The following CNTN5 variants were observed in gnomAD, a reference collection of about 807,000 sequenced individuals.
The protein encoded by CNTN5 is contactin 5.
Under a neutral mutation model 129.1 loss-of-function variants are expected in CNTN5, and 77 were observed. That is an observed-to-expected ratio of 0.60 (90% CI 0.50 to 0.72). The LOEUF (loss-of-function observed/expected upper bound fraction) is 0.72. Among genes scored for constraint, CNTN5 ranks in the 30% least tolerant of loss-of-function variants. The pLI, the probability that CNTN5 is intolerant of heterozygous loss-of-function variation, is 0.00. For missense variants in CNTN5, 1,478 were observed against 1,328.8 expected, an observed-to-expected ratio of 1.11 and a Z score of -1.75; for synonymous variants, 509 against 465.6, an observed-to-expected ratio of 1.09 and a Z score of -1.20.
intron 7 of CNTN5, among the ~76,000 whole-genome samples, chr11:99,932,722 C>G (rs900596545): frequency 6.6e-6 from 1 of 152,086 alleles, no homozygotes; most frequent in African/African-American, 2.4e-5. Flanking sequence ...CCAGTGCCTG[C>G]TTCTTGGTAA....
intron 6 of CNTN5, among the ~76,000 whole-genome samples, chr11:99,846,042 G>A (rs1318833829): frequency 6.6e-6 from 1 of 151,390 alleles, no homozygotes; most frequent in Non-Finnish European, 1.5e-5. Flanking sequence ...CCTCTGAAAT[G>A]CTAATATTTT....
At chr11:99,860,947 T>TA (rs1410897061) in intron 6 of CNTN5, among the ~76,000 whole-genome samples, 1 of 140,334 alleles carries the variant, frequency 7.1e-6, no homozygotes, top group African/African-American at 2.7e-5. Flanking sequence ...GGAATATGTC[T>TA]TCATTTTTTT....
chr11:99,206,492 C>T (rs1859490283), intron 1 of CNTN5, among the ~76,000 whole-genome samples: 1 of 152,124 alleles, frequency 6.6e-6, no homozygotes, highest in Non-Finnish European at 1.5e-5. Flanking sequence ...GCTCTACAAG[C>T]TGAAGTGGGA....
At chr11:100,263,532 A>G (rs182944643) in intron 17 of CNTN5, among the ~76,000 whole-genome samples, 16 of 152,242 alleles carry the variant, frequency 1.1e-4, no homozygotes, top group Admixed American at 6.5e-4. Flanking sequence ...TTATGCATAT[A>G]TACATATTTA....
chr11:100,163,679 C>T (rs551024267), intron 13 of CNTN5, among the ~76,000 whole-genome samples: 3 of 151,762 alleles, frequency 2.0e-5, no homozygotes, highest in Non-Finnish European at 4.4e-5. Context: ...TTTATTTGCT[C>T]AACTTAATGT....
At chr11:100,346,688 T>C (rs1475688025) in intron 23 of CNTN5, among the ~76,000 whole-genome samples, 1 of 152,102 alleles carries the variant, frequency 6.6e-6, no homozygotes, top group African/African-American at 2.4e-5. Context: ...CACCCATATC[T>C]ACTTTCTACC....
At chr11:99,102,455 C>T (rs973896976) in intron 1 of CNTN5, among the ~76,000 whole-genome samples, 1 of 152,102 alleles carries the variant, frequency 6.6e-6, no homozygotes, top group African/African-American at 2.4e-5. Flanking sequence ...CCTTTTAAAA[C>T]TGAATGTTAT....
intron 3 of CNTN5, among the ~76,000 whole-genome samples, chr11:99,622,089 A>G (rs78703025): frequency 0.015 from 2,325 of 152,328 alleles, 48 homozygotes; most frequent in African/African-American, 0.048. Context: ...CAAGGCAGCC[A>G]TTGAGCACAT....
At chr11:100,149,893 CAAAAAAAAA>C (rs36016957) in intron 13 of CNTN5, among the ~76,000 whole-genome samples, 1 of 117,112 alleles carries the variant, frequency 8.5e-6, no homozygotes, top group East Asian at 2.3e-4. Context: ...GACTCCATCT[CAAAAAAAAA>C]AAAAAGAAAA....
chr11:99,166,487 C>T lies in CNTN5; in HGVS notation c.-210+145217C>T, dbSNP rs544402412. Among the ~76,000 whole-genome samples, 8 of 151,634 alleles carry T rather than the reference C, an allele frequency of 5.3e-5. No individual in the cohort carries two copies. In the East Asian group the frequency reaches 1.4e-3, roughly 26 times the overall value. ...AATGGGTAATTTTCCTTAAGCCTCTCAGGAAAGGAGTTCCAGTACTAAGCC... is the reference window on the plus strand; with the variant it reads ...AATGGGTAATTTTCCTTAAGCCTCTTAGGAAAGGAGTTCCAGTACTAAGCC... On this transcript the variant is annotated intron_variant, in intron 1 of 24. Transcript: ENST00000524871.
chr11:99,601,042 CCTA>C (rs1443876716), intron 3 of CNTN5, among the ~76,000 whole-genome samples: 1 of 152,174 alleles, frequency 6.6e-6, no homozygotes, highest in Admixed American at 6.5e-5. Context: ...GTTTGTCTCT[CCTA>C]CTAAACAACA....
chr11:99,462,267 C>G (rs751213997), intron 2 of CNTN5, among the ~76,000 whole-genome samples: 9 of 151,268 alleles, frequency 5.9e-5, no homozygotes, highest in Non-Finnish European at 1.3e-4. Context: ...GTATTTTATT[C>G]AGGGAGAAAG....
At chr11:100,286,455 C>G (rs1950795099) in intron 18 of CNTN5, among the ~76,000 whole-genome samples, 1 of 151,240 alleles carries the variant, frequency 6.6e-6, no homozygotes, top group Non-Finnish European at 1.5e-5. Context: ...ACCCCTGACC[C>G]CCAAGCAGCC....
chr11:99,960,932 G>A (rs943433588), intron 8 of CNTN5, among the ~76,000 whole-genome samples: 2 of 152,102 alleles, frequency 1.3e-5, no homozygotes, highest in African/African-American at 2.4e-5. Flanking sequence ...GCCAGGCACC[G>A]TGGCTCATGC....
intron 3 of CNTN5, among the ~76,000 whole-genome samples, chr11:99,810,458 C>G (rs1386072918): frequency 6.6e-6 from 1 of 151,990 alleles, no homozygotes; most frequent in African/African-American, 2.4e-5. Context: ...CTTTAAAAAT[C>G]GTGTATTTCA....
chr11:99,978,628 C>T (rs11222143), intron 8 of CNTN5, among the ~76,000 whole-genome samples: 46,545 of 152,102 alleles, frequency 0.31, 7,688 homozygotes, highest in African/African-American at 0.42. Flanking sequence ...TGCAGGTTTG[C>T]AGCCTAGGAA....
intron 23 of CNTN5, among the ~76,000 whole-genome samples, chr11:100,346,363 C>A (rs1952279513): frequency 6.6e-6 from 1 of 151,988 alleles, no homozygotes; most frequent in Non-Finnish European, 1.5e-5. Flanking sequence ...AAATATTTTT[C>A]TTTACACGAT....
At chr11:100,158,594 A>C (rs1446165962) in intron 13 of CNTN5, among the ~76,000 whole-genome samples, 1 of 151,894 alleles carries the variant, frequency 6.6e-6, no homozygotes, top group Non-Finnish European at 1.5e-5. Flanking sequence ...AGAAGTGTTC[A>C]ACTTTATTAG....
chr11:99,699,410 T>A (rs1565439288), intron 3 of CNTN5, among the ~76,000 whole-genome samples: 1 of 151,628 alleles, frequency 6.6e-6, no homozygotes, highest in East Asian at 1.9e-4. Context: ...ATAACTTTCT[T>A]TATAACACAC....
Sources: allele counts gnomAD v4.1 joint callset (sites outside exome capture counted in the v4.1 genomes callset), GRCh38; gene constraint gnomAD v4.1.1; transcripts MANE v1.5; gene names NCBI Gene and HGNC (gene_info 2026-07-23, HGNC 2026-07-21).